Variants in TPH2 observed in about 807,000 individuals in gnomAD.
The protein encoded by TPH2 is tryptophan 5-hydroxylase 2.
In TPH2, 27 loss-of-function variants were observed where a neutral mutation model predicts 59.1. That is an observed-to-expected ratio of 0.46 (90% confidence interval 0.34 to 0.63). The LOEUF (loss-of-function observed/expected upper bound fraction) is 0.63. TPH2 is among the 30% of genes least tolerant of loss of function. The pLI, the probability that TPH2 is intolerant of heterozygous loss-of-function variation, is 0.01. For synonymous variants in TPH2, 220 were observed against 210.5 expected (o/e 1.05, Z -0.39); for missense variants, 523 against 588.3 (o/e 0.89, Z 1.15).
chr12:72,013,205 G>C (rs1474688069), intron 8 of TPH2, among the ~76,000 whole-genome samples: 1 of 151,918 alleles, frequency 6.6e-6, no homozygotes. Context: ...TAATTCATTC[G>C]ATGGCTGTTC....
chr12:72,012,173 T>TCAACAACAA (rs58438005), intron 8 of TPH2, among the ~76,000 whole-genome samples: 5,804 of 151,622 alleles, frequency 0.038, 192 homozygotes, highest in East Asian at 0.15. Flanking sequence ...GAGCAGGAAT[T>TCAACAACAA]CAACAACAAC....
At chr12:71,995,054 C>T (rs1282697200) in intron 8 of TPH2, among the ~76,000 whole-genome samples, 1 of 152,140 alleles carries the variant, frequency 6.6e-6, no homozygotes, top group Non-Finnish European at 1.5e-5. Context: ...ACCTGAAACT[C>T]TCTCTGATTA....
chr12:71,978,797 T>C lies in TPH2; in HGVS notation c.806-155T>C, dbSNP rs146894561. 8.5e-5 allele frequency among the ~76,000 whole-genome samples: 13 copies of C among 152,350 alleles called. No homozygotes were observed. The East Asian group carries it at 2.3e-3, about 27-fold the overall frequency. On this transcript the variant is annotated intron_variant, in intron 6 of 10. Transcript: ENST00000333850. ...TAGTCATCAGAAGCACCAAACATGA[T>C]AGCTGTTAACAGTATATGTCACTCA...
chr12:72,023,493 A>G (rs1324591788), intron 9 of TPH2, among the ~76,000 whole-genome samples: 1 of 152,130 alleles, frequency 6.6e-6, no homozygotes, highest in Non-Finnish European at 1.5e-5. Context: ...GCCAGGTACT[A>G]TGGCAGTCAC....
chr12:71,957,527 A>G (rs549997246), intron 5 of TPH2, among the ~76,000 whole-genome samples: 6 of 151,620 alleles, frequency 4.0e-5, no homozygotes, highest in Admixed American at 1.3e-4. Flanking sequence ...GTAGAGACAC[A>G]GGTCTCACTA....
chr12:72,012,203 A>G (rs1414371977), intron 8 of TPH2, among the ~76,000 whole-genome samples: 1 of 152,130 alleles, frequency 6.6e-6, no homozygotes, highest in Non-Finnish European at 1.5e-5. Flanking sequence ...AACAATAACA[A>G]CAACAACAAC....
intron 5 of TPH2, among the ~76,000 whole-genome samples, chr12:71,959,392 C>T (rs997642913): frequency 6.6e-6 from 1 of 152,180 alleles, no homozygotes; most frequent in African/African-American, 2.4e-5. Flanking sequence ...CTGCTTCTCG[C>T]GTCCTAGTGC....
intron 4 of TPH2, 102 bp downstream of exon 4, chr12:71,944,788 A>G: frequency 3.8e-6 from 4 of 1,040,400 alleles, no homozygotes; most frequent in Non-Finnish European, 3.0e-6. Flanking sequence ...TTATAGAACA[A>G]TTTATTATTT....
chr12:71,967,149 T>C (rs1366827321), intron 5 of TPH2, among the ~76,000 whole-genome samples: 1 of 152,216 alleles, frequency 6.6e-6, no homozygotes, highest in African/African-American at 2.4e-5. Context: ...ACAACTTCAG[T>C]CTAATAAGCT....
chr12:72,005,041 A>G (rs1254951015), intron 8 of TPH2, among the ~76,000 whole-genome samples: 5 of 152,110 alleles, frequency 3.3e-5, no homozygotes, highest in Admixed American at 1.3e-4. Context: ...TTAGAGTTTT[A>G]TATGCTTGCC....
At position 72,031,602 on chromosome 12, in the gene TPH2, C is replaced by A. The variant is rs1186621756; in HGVS notation, c.1380C>A (p.Thr460=). The A allele has an allele frequency of 3.1e-6, 5 of 1,613,554 alleles. No homozygotes were observed. The South Asian group carries it at 5.5e-5, about 18-fold the overall frequency. Residue 460 remains threonine (T), a synonymous_variant, in exon 11 of 11, where the codon ACC becomes ACA. Coordinates refer to ENST00000333850, the MANE Select transcript of TPH2 (RefSeq NM_173353.4). The part of the protein sequence containing the change: ...YTQSIEILKD[T]RSIENVVQDL... ...AGAGTATTGAAATTCTGAAAGACAC[C>A]AGAAGTATTGAAAATGTGGTGCAGG...
At chr12:71,992,934 G>A (rs1872613961) in intron 7 of TPH2, among the ~76,000 whole-genome samples, 1 of 152,178 alleles carries the variant, frequency 6.6e-6, no homozygotes, top group Non-Finnish European at 1.5e-5. Context: ...TTTGCCATAA[G>A]CAATGTGATT....
rs1566120516 is a variant in TPH2, at chr12:71,956,505, C to CCCTCCT, written c.608+6850_608+6851insCCTCCT. On this transcript the variant is annotated intron_variant, in intron 5 of 10. Transcript: ENST00000333850. ...CCTCCTTCCCTCCTTCTTTCCCTCC[C>CCCTCCT]TCCCTCCTTCCCTCCTTCCCTCCTT... Among the ~76,000 whole-genome samples the CCCTCCT allele has an allele frequency of 4.8e-3, 29 of 6,028 alleles. 2 individuals are homozygous for CCCTCCT. Among genetic ancestry groups the CCCTCCT allele is most frequent in the Middle Eastern group, 0.083 (1 of 12 alleles). The allele number at this position is 6,028 out of a possible 152,430, so 4.0% of individuals were successfully genotyped here. A position where few individuals can be genotyped will look rare whatever the true frequency, so the allele number is the denominator to read the frequency against.
In TPH2 at chr12:71,944,491, T is replaced by C. The variant is rs1444338103; in HGVS notation, c.439+14T>C. On this transcript the variant is annotated intron_variant, in intron 3 of 10. Coordinates refer to ENST00000333850, the MANE Select transcript of TPH2 (RefSeq NM_173353.4). ...CAGAGGAAGAAGGCAAGGGTGGTCT[T>C]AGCTTGTCGGGTAACTTTGCAATCT... The C allele has an allele frequency of 1.2e-5, 19 of 1,613,818 alleles. No homozygotes were observed. Among genetic ancestry groups the C allele is most frequent in the Non-Finnish European group, 1.5e-5 (18 of 1,179,858 alleles).
intron 8 of TPH2, among the ~76,000 whole-genome samples, chr12:71,997,330 T>C (rs1180350803): frequency 6.6e-6 from 1 of 152,216 alleles, no homozygotes; most frequent in Admixed American, 6.5e-5. Context: ...TCACTATGTA[T>C]GGCCATCATC....
intron 7 of TPH2, among the ~76,000 whole-genome samples, chr12:71,992,928 C>T (rs1283764312): frequency 6.6e-6 from 1 of 152,148 alleles, no homozygotes; most frequent in Non-Finnish European, 1.5e-5. Flanking sequence ...TGCTTCTTTG[C>T]CATAAGCAAT....
chr12:72,004,384 G>T (rs545185785), intron 8 of TPH2, among the ~76,000 whole-genome samples: 2 of 150,366 alleles, frequency 1.3e-5, no homozygotes, highest in South Asian at 4.5e-4. Context: ...GTCATACCCA[G>T]GTCTGGAAAT....
intron 5 of TPH2, among the ~76,000 whole-genome samples, chr12:71,955,456 T>C (rs915374218): frequency 2.6e-5 from 4 of 152,230 alleles, no homozygotes; most frequent in Admixed American, 2.6e-4. Context: ...CTGCTTTTCC[T>C]GTTTTTCTTT....
chr12:71,997,398 A>G (rs1872720413), intron 8 of TPH2, among the ~76,000 whole-genome samples: 2 of 152,196 alleles, frequency 1.3e-5, no homozygotes, highest in Admixed American at 1.3e-4. Context: ...CAAAATCTTT[A>G]TGGGATCATT....
Sources: gnomAD v4.1 joint callset for allele counts (sites outside exome capture counted in the v4.1 genomes callset) on GRCh38, gnomAD v4.1.1 for gene constraint, MANE v1.5 for transcripts, NCBI Gene and HGNC (gene_info 2026-07-23, HGNC 2026-07-21) for gene names.